AMOTL1: variants seen among roughly 807,000 people sequenced by gnomAD.
AMOTL1 encodes the protein angiomotin like 1.
AMOTL1 carries 45 observed loss-of-function variants against 102.9 expected under a neutral mutation model. The ratio of observed to expected loss-of-function variants is 0.44; its 90% CI spans 0.34 to 0.56. AMOTL1 has a LOEUF of 0.56. Among genes scored for constraint, AMOTL1 ranks in the 20% least tolerant of loss-of-function variants. The probability of loss-of-function intolerance (pLI) is 0.01; values close to 1 mark genes in which losing one functional copy is unlikely to be tolerated. For synonymous variants in AMOTL1, 481 were observed against 484.7 expected (o/e 0.99, Z 0.10); for missense variants, 1,114 against 1,225.6 (o/e 0.91, Z 1.36).
Position 94,821,726 on chromosome 11 carries a change from C to T in AMOTL1, c.1318C>T (p.Arg440Ter). The change falls in exon 4 of 13, where the codon CGA becomes TGA. Residue 440 changes from arginine (R) to a stop codon, truncating the protein, a stop_gained. Coordinates refer to ENST00000433060, the MANE Select transcript of AMOTL1 (RefSeq NM_130847.3). LOFTEE classifies it high-confidence loss of function. ...TCCAGATGCCTTTGCGATTGTGGAGCGAGCCCAGCAAATGGTGGAGATATT... is the reference window on the plus strand; with the variant it reads ...TCCAGATGCCTTTGCGATTGTGGAGTGAGCCCAGCAAATGGTGGAGATATT... ...LGPDAFAIVE[R>*]AQQMVEILTE... The T allele has an allele frequency of 6.2e-7, 1 of 1,614,006 alleles. No homozygotes were observed. The highest frequency in any genetic ancestry group is 8.5e-7 in the Non-Finnish European group (1 of 1,179,900).
At chr11:94,711,755 G>C (rs149062731) in intron 1 of AMOTL1, among the ~76,000 whole-genome samples, 110 of 152,216 alleles carry the variant, frequency 7.2e-4, no homozygotes, top group Middle Eastern at 3.4e-3. Flanking sequence ...GTTGTTATGC[G>C]TATCAATAGT....
intron 4 of AMOTL1, among the ~76,000 whole-genome samples, chr11:94,826,797 A>G (rs1000365046): frequency 1.3e-5 from 2 of 152,174 alleles, no homozygotes; most frequent in Non-Finnish European, 2.9e-5. Flanking sequence ...CCATATCCAT[A>G]GCATGCACTG....
At chr11:94,863,807 G>C (rs1952821884) in intron 9 of AMOTL1, among the ~76,000 whole-genome samples, 1 of 152,148 alleles carries the variant, frequency 6.6e-6, no homozygotes, top group African/African-American at 2.4e-5. Context: ...AAAACCAGTG[G>C]CAGGAATAGT....
intron 7 of AMOTL1, among the ~76,000 whole-genome samples, chr11:94,850,958 AC>A (rs1479077856): frequency 6.6e-6 from 1 of 151,946 alleles, no homozygotes; most frequent in Non-Finnish European, 1.5e-5. Context: ...TCTTCAGAAA[AC>A]CTCCCCCGAT....
intron 3 of AMOTL1, among the ~76,000 whole-genome samples, chr11:94,757,094 T>C (rs1333316577): frequency 6.6e-6 from 1 of 152,120 alleles, no homozygotes; most frequent in Non-Finnish European, 1.5e-5. Context: ...TAATTATTCA[T>C]GTTTCCTGGA....
chr11:94,728,772 G>A (rs1049048377), intron 1 of AMOTL1: 6 of 348,704 alleles, frequency 1.7e-5, no homozygotes, highest in Non-Finnish European at 3.3e-5. Flanking sequence ...TCACACTCAG[G>A]CCATACCCAA....
intron 6 of AMOTL1, among the ~76,000 whole-genome samples, chr11:94,841,748 T>C (rs1446685003): frequency 6.6e-6 from 1 of 152,290 alleles, no homozygotes; most frequent in East Asian, 1.9e-4. Flanking sequence ...GTCTCCTCAG[T>C]CAGGCAAGTT....
chr11:94,817,650 C>T (rs1453861069), intron 3 of AMOTL1, among the ~76,000 whole-genome samples: 1 of 152,146 alleles, frequency 6.6e-6, no homozygotes, highest in African/African-American at 2.4e-5. Flanking sequence ...TTAACCATAA[C>T]TTTTGTCATC....
chr11:94,828,578 TCTCTTTG>T (rs1452987897), intron 4 of AMOTL1, among the ~76,000 whole-genome samples: 187 of 152,256 alleles, frequency 1.2e-3, no homozygotes, highest in Middle Eastern at 6.8e-3. Context: ...TGGACTACCA[TCTCTTTG>T]TAATATTTAC....
intron 1 of AMOTL1, among the ~76,000 whole-genome samples, chr11:94,727,906 T>G (rs1950287270): frequency 6.6e-6 from 1 of 152,150 alleles, no homozygotes; most frequent in Admixed American, 6.5e-5. Context: ...TCCAGGCAGA[T>G]AGCCAAAAAG....
At chr11:94,758,355 T>C (rs1950752630) in intron 3 of AMOTL1, among the ~76,000 whole-genome samples, 1 of 152,214 alleles carries the variant, frequency 6.6e-6, no homozygotes, top group Admixed American at 6.5e-5. Flanking sequence ...CTTCAGTGTT[T>C]TGTTTAGCTA....
intron 6 of AMOTL1, among the ~76,000 whole-genome samples, chr11:94,831,768 G>GTT (rs1404672137): frequency 6.6e-6 from 1 of 152,098 alleles, no homozygotes; most frequent in Non-Finnish European, 1.5e-5. Context: ...CTGACCTACA[G>GTT]TTTCTCTCTC....
Position 94,749,486 on chromosome 11 carries a change from A to G in AMOTL1, c.136+8498A>G, listed in dbSNP as rs570200778. On this transcript the variant is annotated intron_variant, in intron 3 of 4. Transcript: ENST00000299004. ...TCACAGACACACCCAGAAATAATGCATTGTCATCTCTCTAGGTATCCCTGA... is the reference window on the plus strand; with the variant it reads ...TCACAGACACACCCAGAAATAATGCGTTGTCATCTCTCTAGGTATCCCTGA... 2.6e-5 allele frequency among the ~76,000 whole-genome samples: 4 copies of G among 152,270 alleles called. No individual in the cohort carries two copies. The South Asian group carries it at 6.2e-4, about 24-fold the overall frequency.
intron 3 of AMOTL1, among the ~76,000 whole-genome samples, chr11:94,812,359 AT>A (rs1348587109): frequency 6.6e-6 from 1 of 152,172 alleles, no homozygotes; most frequent in Non-Finnish European, 1.5e-5. Flanking sequence ...GGGCTTCCAC[AT>A]TATGGGTAGA....
At chr11:94,817,745 C>T (rs886281838) in intron 3 of AMOTL1, among the ~76,000 whole-genome samples, 2 of 152,130 alleles carry the variant, frequency 1.3e-5, no homozygotes, top group African/African-American at 4.8e-5. Context: ...ATGCAGGTTT[C>T]TGATAACTTT....
At chr11:94,828,780 C>T (rs1952016482) in intron 4 of AMOTL1, among the ~76,000 whole-genome samples, 1 of 152,074 alleles carries the variant, frequency 6.6e-6, no homozygotes, top group Non-Finnish European at 1.5e-5. Context: ...AAAGAGGGTC[C>T]CTGGCTCCTG....
chr11:94,850,362 CA>C, intron 7 of AMOTL1, 103 bp downstream of exon 7: 1 of 1,396,372 alleles, frequency 7.2e-7, no homozygotes, highest in Non-Finnish European at 9.5e-7. Context: ...GAGCCAATTC[CA>C]AGGAGTTGAG....
chr11:94,774,370 C>T (rs538615766), intron 1 of AMOTL1, among the ~76,000 whole-genome samples: 44 of 152,258 alleles, frequency 2.9e-4, no homozygotes, highest in Middle Eastern at 6.8e-3. Context: ...TGCCCTTGAG[C>T]ACAGGAGGCA....
chr11:94,870,884 G>A lies in AMOTL1; in HGVS notation c.*89G>A. The A allele has an allele frequency of 9.4e-7, 1 of 1,059,584 alleles. No individual in the cohort carries two copies. 65.6% of individuals were successfully genotyped at this position (1,059,584 alleles called of 1,614,324 possible). On this transcript the variant is annotated 3_prime_UTR_variant, in exon 13 of 13. Coordinates refer to ENST00000433060, the MANE Select transcript of AMOTL1 (RefSeq NM_130847.3). ...GAAAGACCTAGAAGGTTGTAGATGG[G>A]AAATCAGGAATGATTTGAACTGATA...
Sources: gnomAD v4.1 joint callset for allele counts (sites outside exome capture counted in the v4.1 genomes callset) on GRCh38, gnomAD v4.1.1 for gene constraint, MANE v1.5 for transcripts, NCBI Gene and HGNC (gene_info 2026-07-23, HGNC 2026-07-21) for gene names.